GALNT12: variants seen among roughly 807,000 people sequenced by gnomAD.
The protein encoded by GALNT12 is polypeptide N-acetylgalactosaminyltransferase 12.
In GALNT12, 45 loss-of-function variants were observed where a neutral mutation model predicts 55.5. The ratio of observed to expected loss-of-function variants is 0.81; its 90% CI spans 0.64 to 1.04. GALNT12 has a LOEUF of 1.04. Ranked by LOEUF, GALNT12 falls within the 50% of genes least tolerant of loss-of-function variation. The probability of loss-of-function intolerance (pLI) is 0.00; values close to 1 mark genes in which losing one functional copy is unlikely to be tolerated. For missense variants in GALNT12, 709 were observed against 754.8 expected (o/e 0.94, Z 0.71); for synonymous variants, 304 against 312.2 (o/e 0.97, Z 0.28).
intron 9 of GALNT12, chr9:98,847,605 T>C (rs563456461): frequency 1.8e-4 from 28 of 152,276 alleles, no homozygotes; most frequent in African/African-American, 6.5e-4. Context: ...CTGAATTGGA[T>C]TTTTTACCTT....
intron 6 of GALNT12, among the ~76,000 whole-genome samples, chr9:98,839,581 A>G (rs1158177870): frequency 1.3e-5 from 2 of 152,190 alleles, no homozygotes; most frequent in Non-Finnish European, 2.9e-5. Flanking sequence ...TTAGTAGTAA[A>G]CCAGAAAGTC....
intron 1 of GALNT12, among the ~76,000 whole-genome samples, chr9:98,822,778 A>C (rs1835773104): frequency 6.6e-6 from 1 of 152,098 alleles, no homozygotes; most frequent in Non-Finnish European, 1.5e-5. Context: ...AGGAGCATTG[A>C]GGAGACAGCA....
intron 6 of GALNT12, among the ~76,000 whole-genome samples, chr9:98,837,957 G>A (rs1836194613): frequency 6.6e-6 from 1 of 152,202 alleles, no homozygotes; most frequent in Non-Finnish European, 1.5e-5. Context: ...AGGATGGACT[G>A]TACCAACATA....
chr9:98,831,650 C>G, intron 3 of GALNT12, 122 bp from the exon 4 acceptor site: 1 of 1,124,424 alleles, frequency 8.9e-7, no homozygotes, highest in African/African-American at 1.5e-5. Context: ...AGAAGCAGGT[C>G]TTTCTCAGAT....
intron 1 of GALNT12, among the ~76,000 whole-genome samples, chr9:98,816,089 T>A (rs1835604469): frequency 6.6e-6 from 1 of 152,230 alleles, no homozygotes; most frequent in African/African-American, 2.4e-5. Flanking sequence ...TATACTATAT[T>A]TTCTTCTTGT....
chr9:98,846,147 C>T (rs1362617262), intron 9 of GALNT12, 24 bp downstream of exon 9: 1 of 1,613,788 alleles, frequency 6.2e-7, no homozygotes, highest in Non-Finnish European at 8.5e-7. Flanking sequence ...CTCCTTCCTT[C>T]CTGCTGACAG....
At chr9:98,813,890 C>T (rs1459021582) in intron 1 of GALNT12, among the ~76,000 whole-genome samples, 1 of 152,002 alleles carries the variant, frequency 6.6e-6, no homozygotes, top group Admixed American at 6.6e-5. Context: ...TTCCATGTTG[C>T]CAGAAGTAGA....
intron 9 of GALNT12, 33 bp from the exon 10 acceptor site, chr9:98,848,919 A>G: frequency 6.2e-7 from 1 of 1,613,940 alleles, no homozygotes; most frequent in Non-Finnish European, 8.5e-7. Context: ...GACTTTTCTG[A>G]TGACTTGCCT....
chr9:98,824,611 G>A (rs1835819165), intron 2 of GALNT12, among the ~76,000 whole-genome samples: 1 of 152,168 alleles, frequency 6.6e-6, no homozygotes, highest in African/African-American at 2.4e-5. Context: ...AAGCCAGGCT[G>A]GGGTAAGCCA....
At chr9:98,840,224 G>A in intron 7 of GALNT12, 91 bp downstream of exon 7, 1 of 1,517,404 alleles carries the variant, frequency 6.6e-7, no homozygotes, top group Non-Finnish European at 9.1e-7. Flanking sequence ...GCCACGTCAT[G>A]GGGAGCACTG....
chr9:98,817,268 G>A (rs867730310), intron 1 of GALNT12, among the ~76,000 whole-genome samples: 47 of 152,218 alleles, frequency 3.1e-4, no homozygotes, highest in East Asian at 1.9e-4. Context: ...GCCTAGCCTC[G>A]CGGTTAATTC....
chr9:98,828,779 A>G (rs185658056), intron 3 of GALNT12, among the ~76,000 whole-genome samples: 12 of 152,322 alleles, frequency 7.9e-5, no homozygotes, highest in Non-Finnish European at 1.3e-4. Context: ...GAAATGGGAT[A>G]TCCATCCCTT....
Position 98,849,068 on chromosome 9 carries a change from G to A in GALNT12, c.1722G>A (p.Trp574Ter), listed in dbSNP as rs146530383. 72 of 1,614,056 alleles carry A rather than the reference G, an allele frequency of 4.5e-5. No homozygotes were observed. The highest frequency in any genetic ancestry group is 5.8e-5 in the Non-Finnish European group (69 of 1,180,034). ...RDCTNSDHQK[W>*]FFKERML is the part of the protein sequence containing the mutation. ...GCACCAACTCGGATCATCAGAAATGGTTCTTCAAAGAGCGCATGTTATGAA... is the reference window on the plus strand; with the variant it reads ...GCACCAACTCGGATCATCAGAAATGATTCTTCAAAGAGCGCATGTTATGAA... The change falls in exon 10 of 10, where the codon TGG becomes TGA. Residue 574 changes from tryptophan to a stop codon, truncating the protein, a stop_gained. Transcript: ENST00000375011. LOFTEE classifies it high-confidence loss of function.
At chr9:98,808,181 T>C (rs1178611786) in intron 1 of GALNT12, 112 bp downstream of exon 1, 34 of 805,528 alleles carry the variant, frequency 4.2e-5, no homozygotes, top group Admixed American at 2.5e-4. Flanking sequence ...GCGCGTCTTA[T>C]TGAGTCTTTC....
chr9:98,826,642 T>A, intron 2 of GALNT12, 110 bp from the exon 3 acceptor site: 1 of 1,078,140 alleles, frequency 9.3e-7, no homozygotes, highest in East Asian at 2.6e-5. Context: ...GAGGCTCCTG[T>A]CTATTTCATC....
In GALNT12 at chr9:98,846,137, C is replaced by T. The variant is rs1419168113; in HGVS notation, c.1605+14C>T. The T allele has an allele frequency of 6.2e-7, 1 of 1,613,930 alleles. No homozygotes were observed. Among genetic ancestry groups the T allele is most frequent in the Non-Finnish European group, 8.5e-7 (1 of 1,179,954 alleles). ...ATCTTGCAGGAGGTAGGTGAACTCTCTCCTTCCTTCCTGCTGACAGTCCCT... is the reference window on the plus strand; with the variant it reads ...ATCTTGCAGGAGGTAGGTGAACTCTTTCCTTCCTTCCTGCTGACAGTCCCT... On this transcript the variant is annotated intron_variant, in intron 9 of 9. Coordinates refer to ENST00000375011, the MANE Select transcript of GALNT12 (RefSeq NM_024642.5).
rs1239107738 is a variant in GALNT12 at position 98,831,861 on chromosome 9, C to T, written c.821C>T (p.Pro274Leu). The change falls in exon 4 of 10, where the codon CCC (proline) becomes CTC (leucine). Residue 274 changes from proline to leucine, a missense_variant. Physicochemically the swap from Pro to Leu is moderately conservative, Grantham distance 98 (BLOSUM62 -3). This residue lies in a region of GALNT12 where 315 missense variants were observed against 288.6 expected (regional missense o/e 1.09). Transcript: ENST00000375011. ...GAATACCTGGGGAACTCCGGGGAGC[C>T]CCAGATCGGCGGTTTCGACTGGAGG... ...TFEYLGNSGE[P>L]QIGGFDWRLV... 6.2e-7 allele frequency: 1 copy of T among 1,614,152 alleles called. No individual in the cohort carries two copies. Among genetic ancestry groups the T allele is most frequent in the South Asian group, 1.1e-5 (1 of 91,080 alleles).
At chr9:98,808,138 G>A in intron 1 of GALNT12, 69 bp downstream of exon 1, 1 of 1,336,102 alleles carries the variant, frequency 7.5e-7, no homozygotes. Context: ...CATCAGAGCA[G>A]TGGCAGGGCG....
chr9:98,844,559 G>A (rs1012849337), intron 8 of GALNT12: 6 of 285,750 alleles, frequency 2.1e-5, no homozygotes, highest in African/African-American at 9.0e-5. Context: ...TTACTGTTTC[G>A]TTAACTGGTT....
Sources: gnomAD v4.1 joint callset for allele counts (sites outside exome capture counted in the v4.1 genomes callset) on GRCh38, gnomAD v4.1.1 for gene constraint, gnomAD v4.1.1 regional missense constraint, MANE v1.5 for transcripts, NCBI Gene and HGNC (gene_info 2026-07-23, HGNC 2026-07-21) for gene names.